ABI1: variants seen among roughly 807,000 people sequenced by gnomAD.
ABI1 encodes the protein abl interactor 1.
In ABI1, 14 loss-of-function variants were observed where a neutral mutation model predicts 54.6. The observed-to-expected ratio is 0.26, with a 90% CI of 0.17 to 0.40. The LOEUF is 0.40. Ranked by LOEUF, ABI1 falls within the 10% of genes least tolerant of loss-of-function variation. The probability of loss-of-function intolerance (pLI) is 1.00; values close to 1 mark genes in which losing one functional copy is unlikely to be tolerated. For missense variants in ABI1, 443 were observed against 598.3 expected, an observed-to-expected ratio of 0.74 and a Z score of 2.71; for synonymous variants, 194 against 209.3, an observed-to-expected ratio of 0.93 and a Z score of 0.63.
chr10:26,776,931 T>C (rs775748116), intron 3 of ABI1, 134 bp downstream of exon 3: 1 of 803,196 alleles, frequency 1.2e-6, no homozygotes, highest in Non-Finnish European at 1.9e-6. Context: ...AAAATTCATA[T>C]TAAATATTGT....
intron 1 of ABI1, among the ~76,000 whole-genome samples, chr10:26,832,375 G>C (rs1459836786): frequency 6.6e-6 from 1 of 152,144 alleles, no homozygotes; most frequent in Non-Finnish European, 1.5e-5. Flanking sequence ...GAGGTCAGGA[G>C]ATCAAGACCA....
At chr10:26,772,948 A>T (rs1251653765) in intron 3 of ABI1, among the ~76,000 whole-genome samples, 1 of 151,740 alleles carries the variant, frequency 6.6e-6, no homozygotes, top group Admixed American at 6.6e-5. Flanking sequence ...ATAGTGGCGC[A>T]CACCTGTAGT....
intron 6 of ABI1, among the ~76,000 whole-genome samples, chr10:26,766,845 C>A (rs1236981344): frequency 6.6e-6 from 1 of 152,024 alleles, no homozygotes; most frequent in Non-Finnish European, 1.5e-5. Flanking sequence ...TATTTTGTAA[C>A]ACATTAAAAT....
intron 1 of ABI1, among the ~76,000 whole-genome samples, chr10:26,859,039 C>CA (rs1186365014): frequency 1.3e-5 from 2 of 152,146 alleles, no homozygotes; most frequent in African/African-American, 2.4e-5. Flanking sequence ...CAAGGCTTTT[C>CA]ATGTTAAGTT....
intron 9 of ABI1, 29 bp downstream of exon 9, chr10:26,755,626 C>A: frequency 1.3e-6 from 2 of 1,565,118 alleles, no homozygotes; most frequent in Non-Finnish European, 1.8e-6. Context: ...AGCCTCTACT[C>A]TTCCATAGCT....
At chr10:26,797,627 G>A (rs1463783630) in intron 2 of ABI1, among the ~76,000 whole-genome samples, 1 of 152,174 alleles carries the variant, frequency 6.6e-6, no homozygotes, top group Non-Finnish European at 1.5e-5. Flanking sequence ...TCAGCAGACA[G>A]TCAAGAAGGA....
At chr10:26,795,585 T>C (rs1347094743) in intron 2 of ABI1, among the ~76,000 whole-genome samples, 8 of 151,680 alleles carry the variant, frequency 5.3e-5, no homozygotes, top group Non-Finnish European at 1.2e-4. Flanking sequence ...CATACAAAAA[T>C]CAGTAACATT....
chr10:26,770,168 A>G, intron 5 of ABI1, 77 bp downstream of exon 5: 1 of 1,213,290 alleles, frequency 8.2e-7, no homozygotes, highest in Non-Finnish European at 1.2e-6. Flanking sequence ...CATGGATCCC[A>G]TACACTTACT....
intron 1 of ABI1, among the ~76,000 whole-genome samples, chr10:26,835,611 T>A (rs1341012143): frequency 1.5e-5 from 2 of 137,432 alleles, no homozygotes; most frequent in Non-Finnish European, 3.1e-5. Flanking sequence ...TACCTAATTT[T>A]AAATACACAC....
At position 26,860,628 on chromosome 10, in the gene ABI1, GGGGCTC is replaced by G. The variant is rs1267784359; in HGVS notation, c.117+113_117+118del. 1 of 774,266 alleles carries G rather than the reference GGGGCTC, an allele frequency of 1.3e-6. No individual in the cohort carries two copies. 48.0% of individuals were successfully genotyped at this position (774,266 alleles called of 1,614,324 possible). On this transcript the variant is annotated intron_variant, in intron 1 of 10. Coordinates refer to ENST00000376140, the MANE Select transcript of ABI1 (RefSeq NM_001012750.3). This position sits in a 1 kb window ranked among gnomAD's most constrained non-coding sequence, Gnocchi z 4.1. ...TGGGGCTGGGGTTGGGGCTGCGGTA[GGGGCTC>G]GGGTTGGTGGCAGCCGCTGAGGTCA...
At chr10:26,750,432 T>C (rs1837471970) in intron 10 of ABI1, among the ~76,000 whole-genome samples, 1 of 152,092 alleles carries the variant, frequency 6.6e-6, no homozygotes, top group Non-Finnish European at 1.5e-5. Context: ...AGGCGGAAGT[T>C]GCAGTGAGCC....
intron 1 of ABI1, among the ~76,000 whole-genome samples, chr10:26,829,876 A>C (rs962248498): frequency 1.3e-5 from 2 of 152,192 alleles, no homozygotes; most frequent in Admixed American, 1.3e-4. Context: ...ATTAAAATTT[A>C]AAAATTTTCA....
intron 1 of ABI1, among the ~76,000 whole-genome samples, chr10:26,836,359 T>G (rs1482324209): frequency 6.6e-6 from 1 of 152,122 alleles, no homozygotes; most frequent in Admixed American, 6.5e-5. Context: ...GCAATCCACC[T>G]GCCTCAGCCT....
chr10:26,805,670 C>T (rs1193601664), intron 2 of ABI1, among the ~76,000 whole-genome samples: 2 of 152,144 alleles, frequency 1.3e-5, no homozygotes, highest in African/African-American at 4.8e-5. Context: ...AAGCAAAGAA[C>T]AGAGTCTCCA....
chr10:26,831,479 C>T (rs993470503), intron 1 of ABI1, among the ~76,000 whole-genome samples: 1 of 152,092 alleles, frequency 6.6e-6, no homozygotes, highest in African/African-American at 2.4e-5. Context: ...GGAGGCGGAG[C>T]TTGCAGTGAG....
intron 3 of ABI1, among the ~76,000 whole-genome samples, chr10:26,776,389 A>T (rs1237664828): frequency 1.3e-5 from 2 of 152,236 alleles, no homozygotes; most frequent in African/African-American, 2.4e-5. Flanking sequence ...GAAAGGAACT[A>T]CCAAATTTCA....
chr10:26,765,142 C>T (rs1839766373), intron 7 of ABI1, 76 bp downstream of exon 7: 1 of 1,019,526 alleles, frequency 9.8e-7, no homozygotes, highest in Non-Finnish European at 1.4e-6. Context: ...CTCAATATGA[C>T]TAATTTATTT....
chr10:26,854,560 A>G (rs986148308), intron 1 of ABI1, among the ~76,000 whole-genome samples: 2 of 152,224 alleles, frequency 1.3e-5, no homozygotes, highest in Admixed American at 1.3e-4. Context: ...TAAACATGTA[A>G]TGACATGGTA....
At position 26,799,381 on chromosome 10, in the gene ABI1, T is replaced by C. The variant is rs374965867; in HGVS notation, c.286-22140A>G. ...AAAAATATTTTAAAATACATTTAAA[T>C]ACTCAATGAAGGCTTTATAATTTAC... On this transcript the variant is annotated intron_variant, in intron 2 of 10. Transcript: ENST00000376140. Among the ~76,000 whole-genome samples the C allele has an allele frequency of 2.8e-4, 42 of 152,284 alleles. No individual in the cohort carries two copies. The East Asian group carries it at 6.0e-3, about 22-fold the overall frequency.
Sources: allele counts gnomAD v4.1 joint callset (sites outside exome capture counted in the v4.1 genomes callset), GRCh38; gene constraint gnomAD v4.1.1; non-coding constraint Gnocchi (gnomAD v3.1); transcripts MANE v1.5; gene names NCBI Gene and HGNC (gene_info 2026-07-23, HGNC 2026-07-21).